Variants in INPP4B observed in about 807,000 individuals in gnomAD.
INPP4B encodes the protein inositol polyphosphate 4-phosphatase type II.
In INPP4B, 55 loss-of-function variants were observed where a neutral mutation model predicts 122.5. The ratio of observed to expected loss-of-function variants is 0.45; its 90% CI spans 0.36 to 0.56. INPP4B has a LOEUF of 0.56. Ranked by LOEUF, INPP4B falls within the 20% of genes least tolerant of loss-of-function variation. The pLI is 0.00. For missense variants in INPP4B, 1,000 were observed against 1,097.7 expected, an observed-to-expected ratio of 0.91 and a Z score of 1.26; for synonymous variants, 403 against 388.7, an observed-to-expected ratio of 1.04 and a Z score of -0.43.
At chr4:142,833,569 G>C (rs969714639) in intron 1 of INPP4B, among the ~76,000 whole-genome samples, 1 of 151,288 alleles carries the variant, frequency 6.6e-6, no homozygotes, top group Non-Finnish European at 1.5e-5. Flanking sequence ...TTACAAATCT[G>C]TGAAATGGTT....
chr4:142,163,732 G>T (rs76422943), intron 16 of INPP4B, among the ~76,000 whole-genome samples: 1 of 151,880 alleles, frequency 6.6e-6, no homozygotes, highest in African/African-American at 2.4e-5. Context: ...TCCCCTGGGC[G>T]TCTTGGAACA....
At chr4:142,386,278 A>G (rs1795932488) in intron 7 of INPP4B, among the ~76,000 whole-genome samples, 2 of 152,148 alleles carry the variant, frequency 1.3e-5, no homozygotes, top group Admixed American at 1.3e-4. Flanking sequence ...TCATCCATTG[A>G]TGAACTCTTA....
chr4:142,398,046 A>T (rs1408219189), intron 7 of INPP4B, among the ~76,000 whole-genome samples: 1 of 151,748 alleles, frequency 6.6e-6, no homozygotes, highest in Non-Finnish European at 1.5e-5. Context: ...AATGGGCATT[A>T]TACTTTCCTC....
intron 17 of INPP4B, among the ~76,000 whole-genome samples, chr4:142,147,494 A>G (rs1362978350): frequency 6.6e-6 from 1 of 152,098 alleles, no homozygotes; most frequent in Non-Finnish European, 1.5e-5. Context: ...TACCTAGGAG[A>G]CACTGAGAAA....
intron 1 of INPP4B, among the ~76,000 whole-genome samples, chr4:142,823,148 C>T (rs1781004505): frequency 6.6e-6 from 1 of 152,154 alleles, no homozygotes; most frequent in East Asian, 1.9e-4. Flanking sequence ...TGGCCACCCA[C>T]CCACAAGGGG....
chr4:142,067,411 G>T (rs1764155199), intron 25 of INPP4B, among the ~76,000 whole-genome samples: 1 of 152,192 alleles, frequency 6.6e-6, no homozygotes, highest in Non-Finnish European at 1.5e-5. Flanking sequence ...AAAAATCAGA[G>T]CACCTTTTCT....
At chr4:142,298,451 CCGAG>C (rs1759805752) in intron 9 of INPP4B, among the ~76,000 whole-genome samples, 1 of 129,436 alleles carries the variant, frequency 7.7e-6, no homozygotes, top group African/African-American at 3.2e-5. Flanking sequence ...CTTTGGGAGG[CCGAG>C]TTGGGTAGAT....
chr4:142,549,718 G>T (rs1177676288), intron 2 of INPP4B, among the ~76,000 whole-genome samples: 2 of 152,246 alleles, frequency 1.3e-5, no homozygotes, highest in East Asian at 1.9e-4. Flanking sequence ...TTACACAGGG[G>T]TGTCATTGAG....
intron 7 of INPP4B, among the ~76,000 whole-genome samples, chr4:142,335,196 T>A (rs1776181470): frequency 6.6e-6 from 1 of 151,308 alleles, no homozygotes; most frequent in Non-Finnish European, 1.5e-5. Context: ...AATTTCACCA[T>A]TTCCATGAGA....
intron 2 of INPP4B, among the ~76,000 whole-genome samples, chr4:142,593,243 C>A (rs922525917): frequency 6.6e-6 from 1 of 151,838 alleles, no homozygotes; most frequent in South Asian, 2.1e-4. Flanking sequence ...AAGTTTAATC[C>A]TCACAGATGA....
intron 25 of INPP4B, among the ~76,000 whole-genome samples, chr4:142,046,567 T>G (rs761596706): frequency 3.9e-5 from 6 of 152,026 alleles, no homozygotes; most frequent in Non-Finnish European, 5.9e-5. Context: ...ATGCAGGGAC[T>G]GTGAATAATC....
intron 2 of INPP4B, among the ~76,000 whole-genome samples, chr4:142,693,875 A>G (rs1760602351): frequency 6.6e-6 from 1 of 152,224 alleles, no homozygotes; most frequent in Non-Finnish European, 1.5e-5. Flanking sequence ...GACAGTCTAA[A>G]GTAGGAAGAA....
intron 15 of INPP4B, among the ~76,000 whole-genome samples, chr4:142,180,180 T>A (rs1830155717): frequency 6.6e-6 from 1 of 152,318 alleles, no homozygotes; most frequent in South Asian, 2.1e-4. Context: ...TCTGTAAACT[T>A]ACTAAAAATC....
intron 1 of INPP4B, among the ~76,000 whole-genome samples, chr4:142,811,286 G>A (rs936359002): frequency 2.6e-5 from 4 of 152,180 alleles, no homozygotes; most frequent in African/African-American, 9.7e-5. Flanking sequence ...ACTGCTGATG[G>A]CAAGGAAGGC....
chr4:142,820,267 T>G lies in INPP4B; in HGVS notation c.-254+25942A>C, dbSNP rs180979817. Among the ~76,000 whole-genome samples, 5 of 152,196 alleles carry G rather than the reference T, an allele frequency of 3.3e-5. No individual in the cohort carries two copies. The East Asian group carries it at 9.7e-4, about 30-fold the overall frequency. ...GTCATGAGGGTGGATTCCCCACGAG[T>G]AGATGCCCTCTCTGGGGAAGGGAGA... is the stretch of plus-strand genomic sequence containing the variant. On this transcript the variant is annotated intron_variant, in intron 1 of 25. Transcript: ENST00000262992.
chr4:142,355,600 T>C (rs556492002), intron 7 of INPP4B, among the ~76,000 whole-genome samples: 15 of 152,180 alleles, frequency 9.9e-5, no homozygotes, highest in African/African-American at 3.4e-4. Flanking sequence ...GGTCAGCTTA[T>C]TTATTAAGCA....
At chr4:142,457,141 CTA>C (rs1815631920) in intron 3 of INPP4B, among the ~76,000 whole-genome samples, 1 of 151,914 alleles carries the variant, frequency 6.6e-6, no homozygotes, top group Admixed American at 6.6e-5. Flanking sequence ...AATCAACTCA[CTA>C]TTAATAATCT....
intron 2 of INPP4B, among the ~76,000 whole-genome samples, chr4:142,723,157 T>C (rs1764906915): frequency 6.6e-6 from 1 of 152,142 alleles, no homozygotes. Flanking sequence ...TACAAAATTG[T>C]GTTTACAGAA....
chr4:142,543,943 C>G (rs1829233653), intron 2 of INPP4B, among the ~76,000 whole-genome samples: 1 of 152,072 alleles, frequency 6.6e-6, no homozygotes, highest in African/African-American at 2.4e-5. Context: ...CAAAAGCTTG[C>G]TGCTTGGCTG....
Sources: gnomAD v4.1 joint callset for allele counts (sites outside exome capture counted in the v4.1 genomes callset) on GRCh38, gnomAD v4.1.1 for gene constraint, MANE v1.5 for transcripts, NCBI Gene and HGNC (gene_info 2026-07-23, HGNC 2026-07-21) for gene names.